The following RAF1 variants were observed in gnomAD, a reference collection of about 807,000 sequenced individuals.
RAF1 encodes the protein Raf-1 proto-oncogene, serine/threonine kinase.
Under a neutral mutation model 81.1 loss-of-function variants are expected in RAF1, and 27 were observed. The ratio of observed to expected loss-of-function variants is 0.33; its 90% CI spans 0.25 to 0.46. The LOEUF (loss-of-function observed/expected upper bound fraction) is 0.46. Among genes scored for constraint, RAF1 ranks in the 20% least tolerant of loss-of-function variants. The probability of loss-of-function intolerance (pLI) is 1.00; values close to 1 mark genes in which losing one functional copy is unlikely to be tolerated. For synonymous variants in RAF1, 298 were observed against 294.0 expected, an observed-to-expected ratio of 1.01 and a Z score of -0.14; for missense variants, 598 against 826.0, an observed-to-expected ratio of 0.72 and a Z score of 3.38.
chr3:12,644,830 T>G (rs886685744), intron 1 of RAF1, among the ~76,000 whole-genome samples: 1 of 152,098 alleles, frequency 6.6e-6, no homozygotes, highest in African/African-American at 2.4e-5. Context: ...CCAGGCGTGG[T>G]GGCTCATGGC....
chr3:12,620,648 C>A (rs552916647), intron 1 of RAF1, among the ~76,000 whole-genome samples: 1 of 151,928 alleles, frequency 6.6e-6, no homozygotes, highest in South Asian at 2.1e-4. Context: ...TTTTTAAGAA[C>A]AGTTTTTTTT....
chr3:12,647,651 G>GA (rs980367544), intron 1 of RAF1, among the ~76,000 whole-genome samples: 2 of 151,884 alleles, frequency 1.3e-5, no homozygotes, highest in South Asian at 2.1e-4. Context: ...CACAACACTG[G>GA]AAAAAAAATA....
intron 3 of RAF1, among the ~76,000 whole-genome samples, chr3:12,611,290 T>A (rs61761287): frequency 0.026 from 3,901 of 152,094 alleles, 77 homozygotes; most frequent in Middle Eastern, 0.044. Context: ...CAATCATGAC[T>A]CACTGCAGCC....
chr3:12,585,569 G>T, intron 15 of RAF1, 112 bp downstream of exon 14: 1 of 1,342,184 alleles, frequency 7.5e-7, no homozygotes, highest in South Asian at 1.2e-5. Context: ...GTCACTAGGG[G>T]TCATGTGGAT....
At chr3:12,605,717 A>C (rs543666895) in intron 6 of RAF1, among the ~76,000 whole-genome samples, 159 of 152,246 alleles carry the variant, frequency 1.0e-3, no homozygotes, top group African/African-American at 2.7e-3. Context: ...ATGCAAACTC[A>C]GAGACACATG....
intron 9 of RAF1, 37 bp downstream of exon 8, chr3:12,600,351 G>A: frequency 1.2e-6 from 2 of 1,614,050 alleles, no homozygotes; most frequent in Middle Eastern, 3.3e-4. Flanking sequence ...AAGAAAAAAA[G>A]CCCATTATTG....
rs2059024431 is a variant in RAF1 at position 12,606,226 on chromosome 3, C to A, written c.655G>T (p.Glu219Ter). The A allele has an allele frequency of 6.2e-7, 1 of 1,613,850 alleles. No homozygotes were observed. Among genetic ancestry groups the A allele is most frequent in the Non-Finnish European group, 8.5e-7 (1 of 1,179,850 alleles). ...CTAACAGGCATCCTGGAAACAGACT[C>A]TCGCATACGACGCATAGTCAAAGAA... Residue 219 changes from glutamate (E) to a stop codon, truncating the protein, a stop_gained, in exon 6 of 18, where the codon GAG becomes TAG. Transcript: ENST00000442415. LOFTEE classifies it high-confidence loss of function.
At chr3:12,648,538 A>C (rs1344820148) in intron 1 of RAF1, among the ~76,000 whole-genome samples, 1 of 152,168 alleles carries the variant, frequency 6.6e-6, no homozygotes, top group East Asian at 1.9e-4. Context: ...TGTCCTCAAG[A>C]GAAGAGGTAT....
intron 14 of RAF1, 93 bp from the exon 14 acceptor site, chr3:12,585,892 A>G: frequency 1.1e-6 from 1 of 893,400 alleles, no homozygotes; most frequent in Non-Finnish European, 1.9e-6. Context: ...TAATCTCTCC[A>G]CCTTACCTCT....
At chr3:12,646,555 CT>C (rs35503570) in intron 1 of RAF1, among the ~76,000 whole-genome samples, 8,157 of 142,146 alleles carry the variant, frequency 0.057, 709 homozygotes, top group African/African-American at 0.19. Flanking sequence ...TTGTATTTGT[CT>C]TTTTTTTTTT....
intron 6 of RAF1, among the ~76,000 whole-genome samples, chr3:12,604,959 A>C (rs2058978742): frequency 6.6e-6 from 1 of 152,196 alleles, no homozygotes; most frequent in Admixed American, 6.5e-5. Context: ...GGTAACACCC[A>C]TGTATGAATT....
intron 14 of RAF1, 87 bp downstream of exon 13, chr3:12,587,504 C>T (rs1294178127): frequency 7.2e-6 from 9 of 1,255,970 alleles, no homozygotes; most frequent in South Asian, 3.6e-5. Context: ...CCCCTGGCAC[C>T]GAGAGCCACT....
chr3:12,594,285 T>C (rs767627230), intron 11 of RAF1, among the ~76,000 whole-genome samples: 6 of 152,162 alleles, frequency 3.9e-5, no homozygotes, highest in Non-Finnish European at 5.9e-5. Context: ...GCCAACGCTA[T>C]GACCCAGGCT....
chr3:12,585,713 C>T lies in RAF1; in HGVS notation c.1564G>A (p.Val522Ile). The T allele has an allele frequency of 2.5e-6, 4 of 1,614,182 alleles. No homozygotes were observed. The highest frequency in any genetic ancestry group is 2.5e-6 in the Non-Finnish European group (3 of 1,180,004). The change falls in exon 15 of 18, where the codon GTT (valine) becomes ATT (isoleucine). Residue 522 changes from valine to isoleucine, a missense_variant. By Grantham distance (29) the Val-to-Ile change is conservative. Transcript: ENST00000442415. ...AGGACAGAGCCAGTAGGTTGTTCAA[C>T]CTGCTGAGAACCACTCCAGCGTGAC...
chr3:12,586,174 G>A (rs920267659), intron 14 of RAF1, among the ~76,000 whole-genome samples: 1 of 152,152 alleles, frequency 6.6e-6, no homozygotes, highest in African/African-American at 2.4e-5. Context: ...CTCCCCAGAG[G>A]GCCAAGGATG....
At chr3:12,650,844 A>G (rs978411705) in intron 1 of RAF1, among the ~76,000 whole-genome samples, 1 of 152,208 alleles carries the variant, frequency 6.6e-6, no homozygotes, top group Non-Finnish European at 1.5e-5. Flanking sequence ...GAAACATACT[A>G]TAAGAATCTG....
intron 2 of RAF1, among the ~76,000 whole-genome samples, chr3:12,618,138 AAT>A (rs1478241521): frequency 1.3e-5 from 2 of 152,180 alleles, no homozygotes; most frequent in African/African-American, 4.8e-5. Flanking sequence ...ACTTGATTGT[AAT>A]AGTCAAAAAG....
At chr3:12,592,225 C>G (rs991839759) in intron 11 of RAF1, among the ~76,000 whole-genome samples, 3 of 152,196 alleles carry the variant, frequency 2.0e-5, no homozygotes, top group Non-Finnish European at 4.4e-5. Context: ...GGGATGAAAT[C>G]AGTGCATACA....
In RAF1 at chr3:12,606,095, C is replaced by T. The variant is rs763419565; in HGVS notation, c.680+106G>A. The T allele has an allele frequency of 2.1e-5, 17 of 798,582 alleles. No individual in the cohort carries two copies. The East Asian group carries it at 2.2e-4, about 10-fold the overall frequency. The allele number at this position is 798,582 out of a possible 1,614,324, so 49.5% of individuals were successfully genotyped here. ...CCACAGAAGCAGCAAGGGGTTTCCA[C>T]GTAGAGAGGAGGGAATGCGAAGAAA... On this transcript the variant is annotated intron_variant, in intron 6 of 17. Coordinates refer to ENST00000442415, the MANE Select transcript of RAF1 (RefSeq NM_001354689.3).
Sources: gnomAD v4.1 joint callset for allele counts (sites outside exome capture counted in the v4.1 genomes callset) on GRCh38, gnomAD v4.1.1 for gene constraint, MANE v1.5 for transcripts, NCBI Gene and HGNC (gene_info 2026-07-23, HGNC 2026-07-21) for gene names.